The following DTD1 variants were observed in gnomAD, a reference collection of about 807,000 sequenced individuals.
DTD1 encodes D-aminoacyl-tRNA deacylase 1.
In DTD1, 13 loss-of-function variants were observed where a neutral mutation model predicts 25.6. The observed-to-expected ratio is 0.51, with a 90% CI of 0.33 to 0.81. The LOEUF (loss-of-function observed/expected upper bound fraction) is 0.81, where lower values mean the gene tolerates loss of function less well. Among genes scored for constraint, DTD1 ranks in the 30% least tolerant of loss-of-function variants. The pLI, the probability that DTD1 is intolerant of heterozygous loss-of-function variation, is 0.02. For synonymous variants in DTD1, 110 were observed against 103.6 expected (o/e 1.06, Z -0.37); for missense variants, 193 against 266.4 (o/e 0.72, Z 1.92).
intron 3 of DTD1, among the ~76,000 whole-genome samples, chr20:18,622,739 A>G (rs2060739814): frequency 6.6e-6 from 1 of 152,152 alleles, no homozygotes; most frequent in African/African-American, 2.4e-5. Context: ...AAAGCTTTAC[A>G]TCTTTTCCCG....
chr20:18,696,481 G>A (rs1183342538), intron 4 of DTD1, among the ~76,000 whole-genome samples: 1 of 152,098 alleles, frequency 6.6e-6, no homozygotes, highest in East Asian at 1.9e-4. Flanking sequence ...GAAATTCATG[G>A]GCGTGACTGA....
intron 3 of DTD1, among the ~76,000 whole-genome samples, chr20:18,623,032 C>T (rs553485838): frequency 7.3e-5 from 11 of 150,624 alleles, no homozygotes; most frequent in African/African-American, 2.4e-4. Context: ...CTCCGCCTCC[C>T]GGGTTCAAGC....
chr20:18,741,623 T>C (rs1365272118), intron 4 of DTD1, among the ~76,000 whole-genome samples: 2 of 152,234 alleles, frequency 1.3e-5, no homozygotes, highest in Non-Finnish European at 2.9e-5. Flanking sequence ...ACTAGCTATG[T>C]AGAGTATTAT....
intron 4 of DTD1, among the ~76,000 whole-genome samples, chr20:18,640,196 A>G (rs1444669572): frequency 6.6e-6 from 1 of 152,054 alleles, no homozygotes; most frequent in Admixed American, 6.6e-5. Context: ...CAATTTAGAA[A>G]TGTTATTTTT....
chr20:18,639,321 C>A (rs1218752898), intron 4 of DTD1, among the ~76,000 whole-genome samples: 1 of 151,970 alleles, frequency 6.6e-6, no homozygotes, highest in Non-Finnish European at 1.5e-5. Context: ...GTAAAAAGCC[C>A]AAGAAACATG....
Position 18,714,991 on chromosome 20 carries a change from T to C in DTD1, c.478-29109T>C, listed in dbSNP as rs554699194. Among the ~76,000 whole-genome samples the C allele has an allele frequency of 5.9e-5, 9 of 152,232 alleles. No individual in the cohort carries two copies. In the East Asian group the frequency reaches 1.7e-3, roughly 29 times the overall value. ...GTCTCTGGTTCCAGTGCACAGGCCT[T>C]TCCTAGATTCTAGGCTGTGCAGGCC... On this transcript the variant is annotated intron_variant, in intron 4 of 5. Transcript: ENST00000377452.
At chr20:18,639,576 G>T (rs540540089) in intron 4 of DTD1, among the ~76,000 whole-genome samples, 4 of 152,280 alleles carry the variant, frequency 2.6e-5, no homozygotes, top group South Asian at 2.1e-4. Flanking sequence ...GCCTCTTGCT[G>T]CTAGCTGGTC....
intron 4 of DTD1, among the ~76,000 whole-genome samples, chr20:18,655,112 T>C (rs1449085649): frequency 6.6e-6 from 1 of 152,250 alleles, no homozygotes; most frequent in East Asian, 1.9e-4. Flanking sequence ...AAACTTAATT[T>C]CAGTAACAAC....
intron 1 of DTD1, among the ~76,000 whole-genome samples, chr20:18,589,337 C>T (rs182859028): frequency 2.0e-5 from 3 of 151,930 alleles, no homozygotes; most frequent in Non-Finnish European, 2.9e-5. Context: ...GGCGACAGAG[C>T]GAGACTCTGT....
intron 5 of DTD1, among the ~76,000 whole-genome samples, chr20:18,753,607 CAA>C (rs58081760): frequency 3.1e-5 from 2 of 65,336 alleles, no homozygotes; most frequent in South Asian, 6.0e-4. Flanking sequence ...AACTCTGTCT[CAA>C]AAAAAAAAAA....
intron 4 of DTD1, among the ~76,000 whole-genome samples, chr20:18,671,694 T>A (rs2122390431): frequency 6.6e-6 from 1 of 152,372 alleles, no homozygotes; most frequent in Middle Eastern, 3.4e-3. Flanking sequence ...TTCTGATGAC[T>A]TCCAGGACAT....
In DTD1 at chr20:18,672,286, A is replaced by T. The variant is rs560982812; in HGVS notation, c.477+44053A>T. ...TCATTGTTACAAGACAAAGAAAATT[A>T]AAAAAAAAATCAACCTGTTTAGAGA... On this transcript the variant is annotated intron_variant, in intron 4 of 5. Coordinates refer to ENST00000377452, the MANE Select transcript of DTD1 (RefSeq NM_080820.6). Among the ~76,000 whole-genome samples the T allele has an allele frequency of 4.8e-4, 73 of 150,558 alleles. No homozygotes were observed. In the South Asian group the frequency reaches 0.014, roughly 28 times the overall value.
chr20:18,612,130 G>T (rs2060689544), intron 3 of DTD1, among the ~76,000 whole-genome samples: 1 of 148,886 alleles, frequency 6.7e-6, no homozygotes, highest in Non-Finnish European at 1.5e-5. Context: ...CGCCTCCCGG[G>T]TTCACGCCAT....
At chr20:18,606,453 A>G (rs1390783596) in intron 3 of DTD1, among the ~76,000 whole-genome samples, 1 of 130,736 alleles carries the variant, frequency 7.6e-6, no homozygotes, top group East Asian at 2.1e-4. Flanking sequence ...ACTATAAATC[A>G]TGCTGCTATA....
rs183272360 is a variant in DTD1 at position 18,717,665 on chromosome 20, A to G, written c.478-26435A>G. Among the ~76,000 whole-genome samples, 728 of 152,318 alleles carry G rather than the reference A, an allele frequency of 4.8e-3. 4 individuals are homozygous for G. The highest frequency in any genetic ancestry group is 0.016 in the African/African-American group (669 of 41,570). On this transcript the variant is annotated intron_variant, in intron 4 of 5. Transcript: ENST00000377452. ...GATTCTCACAATTCAAACCTGTGTT[A>G]TTCAAAGGTCAACTGTGGTTCATCT...
intron 4 of DTD1, among the ~76,000 whole-genome samples, chr20:18,737,661 A>G (rs2061261497): frequency 6.6e-6 from 1 of 152,220 alleles, no homozygotes; most frequent in Admixed American, 6.5e-5. Flanking sequence ...TCAGAGAGCC[A>G]ACACTAGGCT....
intron 1 of DTD1, among the ~76,000 whole-genome samples, chr20:18,589,098 C>G (rs1204904059): frequency 6.6e-6 from 1 of 152,168 alleles, no homozygotes; most frequent in Non-Finnish European, 1.5e-5. Flanking sequence ...CACCTGTAAT[C>G]CCAGCTCTTT....
At chr20:18,653,761 A>C (rs2060882268) in intron 4 of DTD1, among the ~76,000 whole-genome samples, 1 of 152,260 alleles carries the variant, frequency 6.6e-6, no homozygotes, top group Non-Finnish European at 1.5e-5. Flanking sequence ...TCCAAAAGTA[A>C]ACCTTGCTTT....
intron 5 of DTD1, among the ~76,000 whole-genome samples, chr20:18,752,258 C>A (rs928783964): frequency 3.3e-5 from 5 of 152,228 alleles, no homozygotes; most frequent in Non-Finnish European, 7.3e-5. Context: ...TACTTCAATA[C>A]CCCTAGCTTC....
Sources: gnomAD v4.1 joint callset for allele counts (sites outside exome capture counted in the v4.1 genomes callset) on GRCh38, gnomAD v4.1.1 for gene constraint, MANE v1.5 for transcripts, NCBI Gene and HGNC (gene_info 2026-07-23, HGNC 2026-07-21) for gene names.